The following PLCL2 variants were observed in gnomAD, a reference collection of about 807,000 sequenced individuals.
PLCL2 encodes the protein phospholipase C like 2, also known as inactive phospholipase C-like protein 2.
Under a neutral mutation model 79.6 loss-of-function variants are expected in PLCL2, and 4 were observed. The ratio of observed to expected loss-of-function variants is 0.05; its 90% CI spans 0.02 to 0.11. PLCL2 has a LOEUF of 0.11. Ranked by LOEUF, PLCL2 falls within the 10% of genes least tolerant of loss-of-function variation. The probability of loss-of-function intolerance (pLI) is 1.00; values close to 1 mark genes in which losing one functional copy is unlikely to be tolerated. For missense variants in PLCL2, 895 were observed against 1,291.0 expected (o/e 0.69, Z 4.70); for synonymous variants, 484 against 457.7 (o/e 1.06, Z -0.73).
intron 1 of PLCL2, among the ~76,000 whole-genome samples, chr3:16,905,255 A>AT (rs1336420050): frequency 6.6e-6 from 1 of 151,990 alleles, no homozygotes; most frequent in African/African-American, 2.4e-5. Context: ...GTTTTGGGGG[A>AT]TTTTCACACT....
chr3:17,048,311 A>G (rs776412312), intron 4 of PLCL2, among the ~76,000 whole-genome samples: 1 of 152,200 alleles, frequency 6.6e-6, no homozygotes, highest in Non-Finnish European at 1.5e-5. Flanking sequence ...GGGTCCACAT[A>G]TATGTGAGTT....
chr3:17,005,056 G>A (rs187893404), intron 1 of PLCL2, among the ~76,000 whole-genome samples: 3 of 152,138 alleles, frequency 2.0e-5, no homozygotes, highest in African/African-American at 7.2e-5. Context: ...TGTTTTGCCA[G>A]GGTATTGAAT....
intron 1 of PLCL2, among the ~76,000 whole-genome samples, chr3:16,965,780 G>A (rs1054741062): frequency 6.6e-5 from 10 of 151,972 alleles, no homozygotes; most frequent in African/African-American, 2.4e-4. Context: ...TCTCTTTGAA[G>A]CAATTGTGAA....
At chr3:17,020,973 G>A (rs1242497517) in intron 3 of PLCL2, among the ~76,000 whole-genome samples, 1 of 152,144 alleles carries the variant, frequency 6.6e-6, no homozygotes, top group Non-Finnish European at 1.5e-5. Flanking sequence ...TTTGGACCAA[G>A]CCAGAGATGA....
chr3:16,971,330 C>T (rs2063866084), intron 1 of PLCL2, among the ~76,000 whole-genome samples: 1 of 152,120 alleles, frequency 6.6e-6, no homozygotes, highest in Admixed American at 6.5e-5. Context: ...ATCCTTTCCC[C>T]ATTGCTTGTT....
At chr3:16,946,973 T>TTTTTTTTTA (rs2063606794) in intron 1 of PLCL2, among the ~76,000 whole-genome samples, 3 of 147,168 alleles carry the variant, frequency 2.0e-5, no homozygotes, top group Non-Finnish European at 4.5e-5. Flanking sequence ...TTTTTTTTTT[T>TTTTTTTTTA]GAGACAGAGT....
intron 3 of PLCL2, among the ~76,000 whole-genome samples, chr3:17,015,573 G>A (rs1251613557): frequency 6.6e-6 from 1 of 152,182 alleles, no homozygotes; most frequent in East Asian, 1.9e-4. Context: ...CATTTCAAGT[G>A]TATGATGTAG....
chr3:16,929,319 A>G (rs757621241), intron 1 of PLCL2, among the ~76,000 whole-genome samples: 1 of 152,098 alleles, frequency 6.6e-6, no homozygotes, highest in Non-Finnish European at 1.5e-5. Context: ...AGTTTAGTGG[A>G]CCATTTTGAC....
chr3:17,025,831 G>A (rs2064511953), intron 3 of PLCL2, among the ~76,000 whole-genome samples: 1 of 152,052 alleles, frequency 6.6e-6, no homozygotes, highest in Non-Finnish European at 1.5e-5. Context: ...TTGTTGTTAC[G>A]TTACATTTGA....
chr3:16,988,046 G>T (rs969939439), intron 1 of PLCL2, among the ~76,000 whole-genome samples: 1 of 152,148 alleles, frequency 6.6e-6, no homozygotes, highest in African/African-American at 2.4e-5. Context: ...CCATGGATTT[G>T]TCAAGCCTGG....
intron 1 of PLCL2, among the ~76,000 whole-genome samples, chr3:16,894,544 A>G (rs574167889): frequency 6.6e-6 from 1 of 152,360 alleles, no homozygotes; most frequent in East Asian, 1.9e-4. Context: ...CAGCCAATTT[A>G]CACACCTACC....
chr3:17,035,972 T>C (rs1205880967), intron 3 of PLCL2, among the ~76,000 whole-genome samples: 1 of 152,190 alleles, frequency 6.6e-6, no homozygotes, highest in Non-Finnish European at 1.5e-5. Context: ...ATAGGGTTTT[T>C]TCCCCCCTAT....
intron 5 of PLCL2, among the ~76,000 whole-genome samples, chr3:17,083,484 GACTCTC>G (rs2065184558): frequency 6.6e-6 from 1 of 152,170 alleles, no homozygotes; most frequent in Admixed American, 6.5e-5. Context: ...CAAGGACTTT[GACTCTC>G]ACTCTAAGTT....
At chr3:17,054,246 A>C (rs1377399445) in intron 4 of PLCL2, among the ~76,000 whole-genome samples, 1 of 152,164 alleles carries the variant, frequency 6.6e-6, no homozygotes, top group East Asian at 1.9e-4. Flanking sequence ...AAGCATAGCA[A>C]AAGTGACCTC....
intron 1 of PLCL2, among the ~76,000 whole-genome samples, chr3:16,963,408 G>A (rs1257445252): frequency 2.0e-5 from 3 of 152,114 alleles, no homozygotes; most frequent in Middle Eastern, 6.8e-3. Context: ...ATATTTAATA[G>A]CTTATCATGA....
intron 4 of PLCL2, among the ~76,000 whole-genome samples, chr3:17,045,489 GA>G (rs979029509): frequency 1.3e-5 from 2 of 152,096 alleles, no homozygotes; most frequent in Non-Finnish European, 2.9e-5. Flanking sequence ...GCTGAGAAGT[GA>G]AGACCTCCAA....
intron 5 of PLCL2, 111 bp downstream of exon 5, chr3:17,068,176 A>G (rs2065028350): frequency 1.6e-6 from 1 of 637,170 alleles, no homozygotes; most frequent in South Asian, 2.1e-5. Flanking sequence ...CTGAGATTGT[A>G]GAATGGATGC....
chr3:16,998,663 A>G (rs1050847130), intron 1 of PLCL2, among the ~76,000 whole-genome samples: 1 of 152,236 alleles, frequency 6.6e-6, no homozygotes, highest in African/African-American at 2.4e-5. Flanking sequence ...CACTGGACAC[A>G]GATGTAGACT....
chr3:17,052,669 T>C (rs902055708), intron 4 of PLCL2, among the ~76,000 whole-genome samples: 1 of 152,158 alleles, frequency 6.6e-6, no homozygotes, highest in African/African-American at 2.4e-5. Flanking sequence ...CCACCTCTTC[T>C]GCCTCTGCCA....
Sources: allele counts gnomAD v4.1 joint callset (sites outside exome capture counted in the v4.1 genomes callset), GRCh38; gene constraint gnomAD v4.1.1; transcripts MANE v1.5; gene names NCBI Gene and HGNC (gene_info 2026-07-23, HGNC 2026-07-21).